Variants in ANO6 observed in about 807,000 individuals in gnomAD.
ANO6 encodes anoctamin-6.
A neutral mutation model predicts 117.5 loss-of-function variants in ANO6; 106 were observed. The observed-to-expected ratio is 0.90, with a 90% confidence interval of 0.77 to 1.06. The LOEUF is 1.06. Among genes scored for constraint, ANO6 ranks in the 50% least tolerant of loss-of-function variants. The pLI is 0.00. For synonymous variants in ANO6, 367 were observed against 385.1 expected, an observed-to-expected ratio of 0.95 and a Z score of 0.55; for missense variants, 955 against 1,121.1, an observed-to-expected ratio of 0.85 and a Z score of 2.12.
intron 1 of ANO6, among the ~76,000 whole-genome samples, chr12:45,222,574 C>G (rs1356554315): frequency 6.6e-6 from 1 of 152,176 alleles, no homozygotes; most frequent in Admixed American, 6.5e-5. Flanking sequence ...TACCATAACT[C>G]TTGCTATAAT....
intron 3 of ANO6, among the ~76,000 whole-genome samples, chr12:45,334,901 G>A (rs969603387): frequency 2.0e-5 from 3 of 151,920 alleles, no homozygotes; most frequent in Non-Finnish European, 2.9e-5. Flanking sequence ...GCTAACAATC[G>A]GCAGAACTGA....
Position 45,421,179 on chromosome 12 carries a change from A to G in ANO6, c.2326A>G (p.Ile776Val). Residue 776 changes from isoleucine (I) to valine (V), a missense_variant, in exon 18 of 20, where the codon ATC (isoleucine) becomes GTC (valine). Coordinates refer to ENST00000320560, the MANE Select transcript of ANO6 (RefSeq NM_001025356.3). ...DHTSYTMEGY[I>V]NNTLSIFKVA... ...CACTTCCTACACCATGGAAGGGTAC[A>G]TCAACAACACTCTCTCCATCTTCAA... The G allele has an allele frequency of 6.2e-7, 1 of 1,614,186 alleles. No individual in the cohort carries two copies. The highest frequency in any genetic ancestry group is 8.5e-7 in the Non-Finnish European group (1 of 1,180,024).
intron 1 of ANO6, among the ~76,000 whole-genome samples, chr12:45,249,023 C>A (rs1947865122): frequency 1.3e-5 from 2 of 150,914 alleles, no homozygotes; most frequent in African/African-American, 2.4e-5. Context: ...TACTCAGACT[C>A]TCTGGTCCTC....
At chr12:45,349,871 G>A (rs533539417) in intron 6 of ANO6, among the ~76,000 whole-genome samples, 2 of 152,316 alleles carry the variant, frequency 1.3e-5, no homozygotes, top group African/African-American at 4.8e-5. Context: ...TAGCTGTCAC[G>A]AATATTAATT....
chr12:45,265,339 G>T (rs1451294087), intron 1 of ANO6, among the ~76,000 whole-genome samples: 1 of 152,110 alleles, frequency 6.6e-6, no homozygotes, highest in Non-Finnish European at 1.5e-5. Context: ...AAGACAGATG[G>T]CCTTACCATT....
In ANO6 at chr12:45,348,285, T is replaced by TTTC; in HGVS notation, c.607_609dup (p.Phe203dup). 6.2e-7 allele frequency: 1 copy of TTTC among 1,614,116 alleles called. No homozygotes were observed. Among genetic ancestry groups the TTTC allele is most frequent in the South Asian group, 1.1e-5 (1 of 91,074 alleles). ...ATTTTTACATAGTTGATAGAGATGC[T>TTTC]TTCTTCAATCCAGCCACCAGAAGCC... On this transcript the variant is annotated inframe_insertion, in exon 5 of 20. Transcript: ENST00000320560.
At chr12:45,325,171 A>T (rs1472793558) in intron 2 of ANO6, among the ~76,000 whole-genome samples, 1 of 152,242 alleles carries the variant, frequency 6.6e-6, no homozygotes, top group Admixed American at 6.5e-5. Flanking sequence ...TCACTAAATC[A>T]TAAAGAATCT....
At chr12:45,322,872 G>A (rs1054387829) in intron 2 of ANO6, among the ~76,000 whole-genome samples, 1 of 152,132 alleles carries the variant, frequency 6.6e-6, no homozygotes, top group Admixed American at 6.5e-5. Context: ...TCCCACATAT[G>A]ACTTTATCCT....
chr12:45,323,399 A>G (rs1216804305), intron 2 of ANO6, among the ~76,000 whole-genome samples: 6 of 152,168 alleles, frequency 3.9e-5, no homozygotes, highest in Admixed American at 3.9e-4. Flanking sequence ...GTAATCCCTG[A>G]TAATCTGAGT....
intron 1 of ANO6, among the ~76,000 whole-genome samples, chr12:45,273,595 T>C (rs1472406462): frequency 6.6e-6 from 1 of 152,250 alleles, no homozygotes; most frequent in African/African-American, 2.4e-5. Flanking sequence ...ACTTGATTGC[T>C]ATTGATTTTC....
chr12:45,437,118 A>G (rs867007858), downstream of ANO6, among the ~76,000 whole-genome samples: 58 of 152,240 alleles, frequency 3.8e-4, 1 homozygote, highest in African/African-American at 1.4e-3. Context: ...ATTCTAGAAC[A>G]GTGTTCTCAA....
intron 1 of ANO6, among the ~76,000 whole-genome samples, chr12:45,267,122 C>A (rs917731223): frequency 1.3e-5 from 2 of 152,146 alleles, no homozygotes; most frequent in Non-Finnish European, 2.9e-5. Context: ...GCTGCCATGA[C>A]AGAATACTTT....
At chr12:45,390,142 G>T (rs1942403094) in intron 11 of ANO6, among the ~76,000 whole-genome samples, 1 of 152,150 alleles carries the variant, frequency 6.6e-6, no homozygotes, top group Non-Finnish European at 1.5e-5. Context: ...TTTGCAGCTT[G>T]GCACCATCAG....
chr12:45,341,982 C>T (rs1331373422), intron 3 of ANO6, among the ~76,000 whole-genome samples: 1 of 152,056 alleles, frequency 6.6e-6, no homozygotes, highest in East Asian at 1.9e-4. Context: ...CATGATCATG[C>T]TTAATCCTTA....
chr12:45,375,511 A>C (rs1397038663), intron 9 of ANO6, among the ~76,000 whole-genome samples: 1 of 152,232 alleles, frequency 6.6e-6, no homozygotes, highest in African/African-American at 2.4e-5. Context: ...ACAGAGATAT[A>C]GATCAATGGA....
chr12:45,431,651 GTGTT>G lies in ANO6; in HGVS notation c.*2345_*2348del. 10 of 985,432 alleles carry G rather than the reference GTGTT, an allele frequency of 1.0e-5. No homozygotes were observed. The highest frequency in any genetic ancestry group is 1.2e-5 in the Non-Finnish European group (10 of 829,928). 61.0% of individuals were successfully genotyped at this position (985,432 alleles called of 1,614,324 possible). ...GGGTCATTTCCCCATGCCATCCACA[GTGTT>G]TGTTAGTGAGTCCACGGCTGACTTG... On this transcript the variant is annotated 3_prime_UTR_variant, in exon 20 of 20. Transcript: ENST00000320560.
At chr12:45,387,344 A>T (rs532021096) in intron 10 of ANO6, among the ~76,000 whole-genome samples, 134 of 152,354 alleles carry the variant, frequency 8.8e-4, no homozygotes, top group African/African-American at 2.8e-3. Context: ...AGTTTTCCGT[A>T]TGAATGAATA....
intron 3 of ANO6, among the ~76,000 whole-genome samples, chr12:45,338,821 C>T (rs1335060494): frequency 5.3e-5 from 8 of 151,772 alleles, no homozygotes; most frequent in Non-Finnish European, 1.2e-4. Context: ...TGGGCTGAAG[C>T]CTTAAAAACA....
At chr12:45,424,327 GTTTTTTTTTTT>G (rs66945216) in intron 19 of ANO6, among the ~76,000 whole-genome samples, 2 of 81,240 alleles carry the variant, frequency 2.5e-5, no homozygotes, top group Non-Finnish European at 4.7e-5. Context: ...TAGGTGATGG[GTTTTTTTTTTT>G]TTTTTTTTTT....
Sources: gnomAD v4.1 joint callset for allele counts (sites outside exome capture counted in the v4.1 genomes callset) on GRCh38, gnomAD v4.1.1 for gene constraint, MANE v1.5 for transcripts, NCBI Gene and HGNC (gene_info 2026-07-23, HGNC 2026-07-21) for gene names.